The following MRTFB variants were observed in gnomAD, a reference collection of about 807,000 sequenced individuals.
MRTFB encodes the protein myocardin-related transcription factor B.
MRTFB carries 29 observed loss-of-function variants against 104.2 expected under a neutral mutation model. That is an observed-to-expected ratio of 0.28 (90% CI 0.21 to 0.38). MRTFB has a LOEUF of 0.38. Among genes scored for constraint, MRTFB ranks in the 10% least tolerant of loss-of-function variants. MRTFB has a pLI of 1.00. For synonymous variants in MRTFB, 535 were observed against 519.5 expected, an observed-to-expected ratio of 1.03 and a Z score of -0.41; for missense variants, 1,270 against 1,341.6, an observed-to-expected ratio of 0.95 and a Z score of 0.83.
At chr16:14,118,666 G>C (rs1828557854) in intron 2 of MRTFB, among the ~76,000 whole-genome samples, 1 of 151,696 alleles carries the variant, frequency 6.6e-6, no homozygotes, top group South Asian at 2.1e-4. Flanking sequence ...GCCTGGTGTG[G>C]TGGTGCATGC....
chr16:14,073,249 C>G (rs943777983), intron 1 of MRTFB, among the ~76,000 whole-genome samples: 2 of 152,184 alleles, frequency 1.3e-5, no homozygotes, highest in African/African-American at 4.8e-5. Flanking sequence ...GGCGAATCTT[C>G]ATTATACAGA....
chr16:14,010,241 C>A, the MRTFB span, among the ~76,000 whole-genome samples: 1 of 152,140 alleles, frequency 6.6e-6, no homozygotes, highest in Non-Finnish European at 1.5e-5. Flanking sequence ...GGCAGTTTAG[C>A]CTCAACAGTT....
chr16:14,024,951 C>T, the MRTFB span, among the ~76,000 whole-genome samples: 2 of 152,164 alleles, frequency 1.3e-5, no homozygotes, highest in South Asian at 4.1e-4. Context: ...GATTTGAACT[C>T]AGGCAGTTTG....
intron 2 of MRTFB, among the ~76,000 whole-genome samples, chr16:14,117,850 C>G (rs1029629622): frequency 6.6e-6 from 1 of 152,174 alleles, no homozygotes; most frequent in Non-Finnish European, 1.5e-5. Flanking sequence ...AAAAGCCATT[C>G]ATAGGTTTAA....
At chr16:14,083,808 T>C (rs1245263514) in intron 2 of MRTFB, among the ~76,000 whole-genome samples, 1 of 152,216 alleles carries the variant, frequency 6.6e-6, no homozygotes, top group Non-Finnish European at 1.5e-5. Context: ...GTTTCTGCCC[T>C]GGGACGAGTA....
intron 2 of MRTFB, among the ~76,000 whole-genome samples, chr16:14,119,214 G>A (rs2142264294): frequency 6.6e-6 from 1 of 152,336 alleles, no homozygotes; most frequent in African/African-American, 2.4e-5. Flanking sequence ...GACAGAAAAA[G>A]AAAGGTGCCA....
At chr16:14,051,320 CAT>C in the MRTFB span, among the ~76,000 whole-genome samples, 7 of 151,918 alleles carry the variant, frequency 4.6e-5, no homozygotes, top group African/African-American at 1.7e-4. Flanking sequence ...CACATACACA[CAT>C]AGACATTCAC....
At chr16:14,031,184 G>C in the MRTFB span, among the ~76,000 whole-genome samples, 2 of 152,154 alleles carry the variant, frequency 1.3e-5, no homozygotes, top group African/African-American at 4.8e-5. Context: ...TTGAGGCCAG[G>C]AGTTCAAGGC....
At chr16:14,218,153 G>A (rs1003889041) in intron 7 of MRTFB, among the ~76,000 whole-genome samples, 2 of 152,070 alleles carry the variant, frequency 1.3e-5, no homozygotes, top group Admixed American at 6.6e-5. Context: ...TCTGCCTCCC[G>A]GGTTCATGCC....
At chr16:14,022,515 GC>G in the MRTFB span, among the ~76,000 whole-genome samples, 16 of 152,266 alleles carry the variant, frequency 1.1e-4, no homozygotes, top group East Asian at 3.1e-3. Flanking sequence ...TCCTGCCTCA[GC>G]CTCCTGAGCA....
intron 10 of MRTFB, among the ~76,000 whole-genome samples, 191 bp from the exon 11 acceptor site, chr16:14,245,337 C>T (rs538527324): frequency 2.6e-4 from 40 of 152,266 alleles, no homozygotes; most frequent in African/African-American, 6.5e-4. Flanking sequence ...ATTTCCGTCA[C>T]GCTAGCAAAC....
chr16:14,190,458 T>A (rs957175056), intron 3 of MRTFB, among the ~76,000 whole-genome samples: 3 of 152,224 alleles, frequency 2.0e-5, no homozygotes, highest in African/African-American at 7.2e-5. Context: ...GATGATTTAA[T>A]TCAGATAAGT....
the MRTFB span, among the ~76,000 whole-genome samples, chr16:14,006,388 C>T: frequency 2.6e-5 from 4 of 151,552 alleles, no homozygotes; most frequent in South Asian, 2.1e-4. Flanking sequence ...TGGTAGCACG[C>T]GCCTGTAATC....
At chr16:14,139,122 G>C (rs2037869351) in intron 2 of MRTFB, among the ~76,000 whole-genome samples, 1 of 152,062 alleles carries the variant, frequency 6.6e-6, no homozygotes. Context: ...ACACTATTAA[G>C]AACATACAAA....
At chr16:13,998,504 G>A in the MRTFB span, among the ~76,000 whole-genome samples, 1 of 151,932 alleles carries the variant, frequency 6.6e-6, no homozygotes, top group Non-Finnish European at 1.5e-5. Flanking sequence ...AAATTAGCTG[G>A]GCATGAAGTT....
chr16:14,084,433 A>G (rs961552352), intron 2 of MRTFB, among the ~76,000 whole-genome samples: 1 of 152,122 alleles, frequency 6.6e-6, no homozygotes, highest in Non-Finnish European at 1.5e-5. Flanking sequence ...CCAGGTGTTC[A>G]GGAGGCTGAG....
chr16:14,090,029 C>T (rs1254389199), intron 2 of MRTFB, among the ~76,000 whole-genome samples: 1 of 152,036 alleles, frequency 6.6e-6, no homozygotes, highest in Admixed American at 6.6e-5. Flanking sequence ...TACACACACA[C>T]CCCCAAACAC....
chr16:14,033,297 G>A, the MRTFB span, among the ~76,000 whole-genome samples: 1 of 152,008 alleles, frequency 6.6e-6, no homozygotes, highest in African/African-American at 2.4e-5. Flanking sequence ...TGTAATCCCA[G>A]CATTTTGGGA....
At chr16:14,059,163 A>C in the MRTFB span, among the ~76,000 whole-genome samples, 1 of 152,186 alleles carries the variant, frequency 6.6e-6, no homozygotes, top group South Asian at 2.1e-4. Flanking sequence ...AAATCAGTGT[A>C]ATGATCAAAT....
Sources: gnomAD v4.1 joint callset for allele counts (sites outside exome capture counted in the v4.1 genomes callset) on GRCh38, gnomAD v4.1.1 for gene constraint, MANE v1.5 for transcripts, NCBI Gene and HGNC (gene_info 2026-07-23, HGNC 2026-07-21) for gene names.